TMEM266: variants seen among roughly 807,000 people sequenced by gnomAD.
The protein encoded by TMEM266 is Hv1 related protein 1.
TMEM266 carries 33 observed loss-of-function variants against 50.5 expected under a neutral mutation model. The ratio of observed to expected loss-of-function variants is 0.65; its 90% CI spans 0.50 to 0.87. The LOEUF (loss-of-function observed/expected upper bound fraction) is 0.87, where lower values mean the gene tolerates loss of function less well. TMEM266 is among the 40% of genes least tolerant of loss of function. The pLI is 0.00. For synonymous variants in TMEM266, 310 were observed against 292.3 expected, an observed-to-expected ratio of 1.06 and a Z score of -0.62; for missense variants, 655 against 695.1, an observed-to-expected ratio of 0.94 and a Z score of 0.65.
chr15:76,085,990 T>C (rs955117012), intron 1 of TMEM266, among the ~76,000 whole-genome samples: 7 of 151,546 alleles, frequency 4.6e-5, no homozygotes, highest in African/African-American at 7.3e-5. Context: ...GGAGGTTGCA[T>C]TGAGCTGAGA....
At chr15:76,069,709 T>G (rs1328406553) in intron 1 of TMEM266, among the ~76,000 whole-genome samples, 1 of 151,960 alleles carries the variant, frequency 6.6e-6, no homozygotes, top group East Asian at 1.9e-4. Flanking sequence ...TCACAGCTAC[T>G]CGGGAGGCTG....
intron 1 of TMEM266, among the ~76,000 whole-genome samples, chr15:76,075,240 A>T (rs1485718116): frequency 1.3e-5 from 2 of 152,162 alleles, no homozygotes; most frequent in Non-Finnish European, 2.9e-5. Flanking sequence ...GCCCTGGGAG[A>T]GAAGGTAGAT....
chr15:76,086,363 G>A (rs780353201), intron 1 of TMEM266, among the ~76,000 whole-genome samples: 4 of 152,206 alleles, frequency 2.6e-5, no homozygotes, highest in Non-Finnish European at 5.9e-5. Context: ...TTGCCTCTGG[G>A]TGTCAGAGGC....
chr15:76,130,254 A>AAACC, intron 1 of TMEM266, among the ~76,000 whole-genome samples: 2 of 34,942 alleles, frequency 5.7e-5, no homozygotes, highest in African/African-American at 1.4e-4. Flanking sequence ...AAAAAAAAAA[A>AAACC]CCGCCGGGTG....
intron 1 of TMEM266, among the ~76,000 whole-genome samples, chr15:76,101,431 C>T (rs2036997602): frequency 1.3e-5 from 2 of 152,160 alleles, no homozygotes; most frequent in Admixed American, 1.3e-4. Flanking sequence ...ATAAATCATC[C>T]AGAGGACAGA....
intron 8 of TMEM266, among the ~76,000 whole-genome samples, chr15:76,177,157 A>G (rs1221226227): frequency 3.3e-5 from 5 of 152,124 alleles, no homozygotes; most frequent in Non-Finnish European, 5.9e-5. Context: ...GGCACTGGGC[A>G]CTCACTGCCA....
At chr15:76,105,003 A>G (rs2037059657) in intron 1 of TMEM266, among the ~76,000 whole-genome samples, 1 of 152,128 alleles carries the variant, frequency 6.6e-6, no homozygotes, top group Admixed American at 6.6e-5. Context: ...GTGGATCACG[A>G]GGTCAGGTTC....
At chr15:76,156,488 G>C in intron 3 of TMEM266, 116 bp from the exon 4 acceptor site, 2 of 1,092,326 alleles carry the variant, frequency 1.8e-6, no homozygotes, top group Non-Finnish European at 2.7e-6. Context: ...CTAGAGCCAG[G>C]GAGAGAGCCC....
At chr15:76,067,374 G>T (rs1005273113) in intron 1 of TMEM266, among the ~76,000 whole-genome samples, 1 of 152,080 alleles carries the variant, frequency 6.6e-6, no homozygotes, top group Admixed American at 6.5e-5. Context: ...TGGGTGCGGT[G>T]GTTCACGCCT....
rs542632569 is a variant in TMEM266 at position 76,127,819 on chromosome 15, A to T, written c.-96-6349A>T. 1.4e-4 allele frequency among the ~76,000 whole-genome samples: 22 copies of T among 152,244 alleles called. 1 individual carries two copies. In the South Asian group the frequency reaches 4.6e-3, roughly 32 times the overall value. The stretch of plus-strand genomic sequence containing the variant: ...AAAATAACTACTTTACCTTGAGCAA[A>T]CTTTCTGATTCAGTAGATCAGAGTG... On this transcript the variant is annotated intron_variant, in intron 1 of 10. Transcript: ENST00000388942.
intron 1 of TMEM266, among the ~76,000 whole-genome samples, chr15:76,120,067 AT>A (rs201151510): frequency 0.01 from 1,559 of 152,330 alleles, 27 homozygotes; most frequent in African/African-American, 0.034. Context: ...TTACAAAGCA[AT>A]TTCATTTTAA....
At chr15:76,060,336 T>G (rs1475963462) in intron 1 of TMEM266, among the ~76,000 whole-genome samples, 1 of 148,314 alleles carries the variant, frequency 6.7e-6, no homozygotes, top group African/African-American at 2.5e-5. Flanking sequence ...CATCTTGCAT[T>G]TATTAATAAA....
Position 76,143,042 on chromosome 15 carries a change from A to C in TMEM266, c.227+5147A>C, listed in dbSNP as rs2037704212. ...TCAGCAGATGACCTCCTCTCCCAGT[A>C]CCCTCAGAAAGTAGGCACAGTCGTG... On this transcript the variant is annotated intron_variant, in intron 3 of 10. Coordinates refer to ENST00000388942, the MANE Select transcript of TMEM266 (RefSeq NM_152335.3). Among the ~76,000 whole-genome samples the C allele has an allele frequency of 5.9e-5, 9 of 151,956 alleles. 1 individual carries two copies. In the South Asian group the frequency reaches 1.9e-3, roughly 32 times the overall value.
In TMEM266 at chr15:76,204,117, C is replaced by G; in HGVS notation, c.1398C>G (p.Pro466=). 6.2e-7 allele frequency: 1 copy of G among 1,612,998 alleles called. No homozygotes were observed. Among genetic ancestry groups the G allele is most frequent in the Non-Finnish European group, 8.5e-7 (1 of 1,179,606 alleles). The change falls in exon 11 of 11, where the codon CCC becomes CCG. Residue 466 remains proline (P), a synonymous_variant. Coordinates refer to ENST00000388942, the MANE Select transcript of TMEM266 (RefSeq NM_152335.3). The stretch of plus-strand genomic sequence containing the variant: ...TGGACCCAGCCCCCCTCGCCCGGCC[C>G]AGCCCAGCGGGCTCGGCCCAAACCA...
At chr15:76,156,515 G>A (rs1003354074) in intron 3 of TMEM266, 89 bp from the exon 4 acceptor site, 2 of 1,397,002 alleles carry the variant, frequency 1.4e-6, no homozygotes, top group Admixed American at 3.9e-5. Flanking sequence ...AGTGACGCTG[G>A]TGGGTTTGAG....
rs77679522 is a variant in TMEM266, at chr15:76,186,997, G to A, written c.769-4971G>A. 4.9e-3 allele frequency among the ~76,000 whole-genome samples: 741 copies of A among 152,292 alleles called. 7 individuals carry two copies. The highest frequency in any genetic ancestry group is 6.8e-3 in the Middle Eastern group (2 of 294). ...CAGCCCAGGGCTGTGCTTGGCTCTC[G>A]GAGGCGACTTGTTCCCTGCAATGCA... On this transcript the variant is annotated intron_variant, in intron 8 of 10. Transcript: ENST00000388942.
rs2038004561 is a variant in TMEM266 at position 76,160,659 on chromosome 15, AC to A, written c.456+493del. Among the ~76,000 whole-genome samples the A allele has an allele frequency of 6.6e-6, 1 of 152,212 alleles. No homozygotes were observed. Among genetic ancestry groups the A allele is most frequent in the Admixed American group, 6.5e-5 (1 of 15,286 alleles). On this transcript the variant is annotated intron_variant, in intron 5 of 10. Transcript: ENST00000388942. This position sits in a 1 kb window ranked among gnomAD's most constrained non-coding sequence, Gnocchi z 5.7. ...GTCACAGGGCCAGGCAGTGGACCTG[AC>A]CTGGTCCTGCAGGGGCCCTGGGTCT...
intron 8 of TMEM266, chr15:76,175,894 G>A (rs373811955): frequency 1.6e-4 from 74 of 464,774 alleles, no homozygotes; most frequent in African/African-American, 1.4e-3. Context: ...TGACTCCCAG[G>A]CCAGGGTTCT....
chr15:76,081,442 T>C (rs948437740), intron 1 of TMEM266, among the ~76,000 whole-genome samples: 2 of 152,194 alleles, frequency 1.3e-5, no homozygotes, highest in African/African-American at 4.8e-5. Flanking sequence ...AGGCAAAAAC[T>C]GCCTATATCA....
Sources: gnomAD v4.1 joint callset for allele counts (sites outside exome capture counted in the v4.1 genomes callset) on GRCh38, gnomAD v4.1.1 for gene constraint, Gnocchi (gnomAD v3.1) non-coding constraint, MANE v1.5 for transcripts, NCBI Gene and HGNC (gene_info 2026-07-23, HGNC 2026-07-21) for gene names.